BICC1: variants seen among roughly 807,000 people sequenced by gnomAD.
The protein encoded by BICC1 is protein bicaudal C homolog 1.
BICC1 carries 43 observed loss-of-function variants against 111.0 expected under a neutral mutation model. That is an observed-to-expected ratio of 0.39 (90% CI 0.30 to 0.50). BICC1 has a LOEUF of 0.50. BICC1 is among the 20% of genes least tolerant of loss of function. The probability of loss-of-function intolerance (pLI) is 0.88; values close to 1 mark genes in which losing one functional copy is unlikely to be tolerated. For synonymous variants in BICC1, 467 were observed against 434.4 expected, an observed-to-expected ratio of 1.07 and a Z score of -0.93; for missense variants, 1,091 against 1,203.2, an observed-to-expected ratio of 0.91 and a Z score of 1.38.
chr10:58,723,557 A>T (rs1022825743), intron 3 of BICC1, among the ~76,000 whole-genome samples: 3 of 152,176 alleles, frequency 2.0e-5, no homozygotes, highest in African/African-American at 4.8e-5. Context: ...TATGGCAGAA[A>T]GCCTGAGGAC....
chr10:58,631,526 A>T (rs573132107), intron 2 of BICC1, among the ~76,000 whole-genome samples: 49 of 152,244 alleles, frequency 3.2e-4, no homozygotes, highest in Middle Eastern at 3.4e-3. Flanking sequence ...ATTATCAAGA[A>T]ATGTGTACAT....
At chr10:58,754,758 G>A (rs1386728690) in intron 3 of BICC1, among the ~76,000 whole-genome samples, 5 of 119,004 alleles carry the variant, frequency 4.2e-5, no homozygotes, top group Non-Finnish European at 7.2e-5. Context: ...GGGGGGGTGT[G>A]TATGTGTGTG....
At chr10:58,669,146 C>T (rs1046011164) in intron 2 of BICC1, among the ~76,000 whole-genome samples, 16 of 151,888 alleles carry the variant, frequency 1.1e-4, no homozygotes, top group Non-Finnish European at 1.9e-4. Context: ...AATACTTGTG[C>T]TACTAAATGA....
chr10:58,773,436 A>G (rs888004602), intron 3 of BICC1, among the ~76,000 whole-genome samples: 1 of 152,220 alleles, frequency 6.6e-6, no homozygotes, highest in Non-Finnish European at 1.5e-5. Context: ...TTTACAGTAG[A>G]CAGGGTTAAG....
At chr10:58,795,407 A>G (rs973657073) in intron 9 of BICC1, among the ~76,000 whole-genome samples, 16 of 152,200 alleles carry the variant, frequency 1.1e-4, no homozygotes, top group African/African-American at 3.6e-4. Context: ...GACTAATTTG[A>G]GTTGACCAGA....
intron 1 of BICC1, among the ~76,000 whole-genome samples, chr10:58,523,756 G>A (rs929608696): frequency 1.3e-5 from 2 of 152,112 alleles, no homozygotes; most frequent in African/African-American, 4.8e-5. Flanking sequence ...AAAAGAGGAA[G>A]TCAAATTGAC....
intron 3 of BICC1, among the ~76,000 whole-genome samples, chr10:58,762,195 A>G (rs1199501958): frequency 6.6e-6 from 1 of 152,146 alleles, no homozygotes; most frequent in African/African-American, 2.4e-5. Context: ...GATCAATTTC[A>G]AGGGCAAGTA....
intron 14 of BICC1, among the ~76,000 whole-genome samples, chr10:58,802,762 T>C (rs1415278612): frequency 1.3e-5 from 2 of 152,224 alleles, no homozygotes; most frequent in African/African-American, 4.8e-5. Flanking sequence ...GTATACCATA[T>C]ATACTATATA....
intron 1 of BICC1, among the ~76,000 whole-genome samples, chr10:58,519,023 C>T (rs917717993): frequency 6.6e-6 from 1 of 152,180 alleles, no homozygotes; most frequent in Non-Finnish European, 1.5e-5. Flanking sequence ...AAACCTGACA[C>T]AGAGTGGCTT....
At chr10:58,592,220 C>A (rs779100964) in intron 1 of BICC1, among the ~76,000 whole-genome samples, 1 of 152,098 alleles carries the variant, frequency 6.6e-6, no homozygotes, top group Non-Finnish European at 1.5e-5. Context: ...CCCTGTATAG[C>A]CGAGTATTAC....
chr10:58,801,126 T>C, intron 14 of BICC1, 80 bp downstream of exon 14: 1 of 1,240,382 alleles, frequency 8.1e-7, no homozygotes. Context: ...TTAGTACTCT[T>C]TGATTCAAGT....
chr10:58,697,855 C>T (rs1840110106), intron 2 of BICC1, among the ~76,000 whole-genome samples: 1 of 151,914 alleles, frequency 6.6e-6, no homozygotes, highest in South Asian at 2.1e-4. Flanking sequence ...TAATCTAGCT[C>T]CAGTACTGAA....
Position 58,814,123 on chromosome 10 carries a change from C to A in BICC1, c.2533+137C>A, listed in dbSNP as rs756710654. 9 of 977,044 alleles carry A rather than the reference C, an allele frequency of 9.2e-6. No homozygotes were observed. In the East Asian group the frequency reaches 2.3e-4, roughly 25 times the overall value. 60.5% of individuals were successfully genotyped at this position (977,044 alleles called of 1,614,324 possible). On this transcript the variant is annotated intron_variant, in intron 18 of 20. Transcript: ENST00000373886. ...TCACATGCCATCTCCTCTGTGAAGC[C>A]TCCTTGTTTCTCCCAGTGAAGCAGG...
intron 4 of BICC1, among the ~76,000 whole-genome samples, chr10:58,786,044 TAAAAA>T (rs1477192212): frequency 6.6e-6 from 1 of 152,208 alleles, no homozygotes; most frequent in Non-Finnish European, 1.5e-5. Flanking sequence ...GAACTAAACT[TAAAAA>T]TCAAAATATA....
intron 3 of BICC1, among the ~76,000 whole-genome samples, chr10:58,778,931 T>C (rs971889322): frequency 7.9e-5 from 12 of 152,214 alleles, no homozygotes; most frequent in Admixed American, 3.3e-4. Context: ...AAAATAAATG[T>C]AAAGTGCACA....
In BICC1 at chr10:58,528,278, C is replaced by T. The variant is rs75593961; in HGVS notation, c.190+14945C>T. ...ATATGCAAGATGATCTGTCTTCACC[C>T]TCAATCTAGGCCGTATGTAGAATGT... On this transcript the variant is annotated intron_variant, in intron 1 of 20. Coordinates refer to ENST00000373886, the MANE Select transcript of BICC1 (RefSeq NM_001080512.3). Among the ~76,000 whole-genome samples the T allele has an allele frequency of 5.1e-3, 776 of 151,940 alleles. 4 individuals are homozygous for T. Among genetic ancestry groups the T allele is most frequent in the African/African-American group, 0.018 (740 of 41,498 alleles).
chr10:58,808,122 T>C (rs1260062011), intron 17 of BICC1, among the ~76,000 whole-genome samples: 1 of 151,698 alleles, frequency 6.6e-6, no homozygotes, highest in Non-Finnish European at 1.5e-5. Context: ...GAAAATACTA[T>C]TGAAATACTA....
At chr10:58,599,876 C>T (rs946340292) in intron 1 of BICC1, among the ~76,000 whole-genome samples, 1 of 151,924 alleles carries the variant, frequency 6.6e-6, no homozygotes, top group African/African-American at 2.4e-5. Flanking sequence ...AAACATCACT[C>T]CTGCTCTGAC....
chr10:58,767,675 C>A (rs1275321026), intron 3 of BICC1, among the ~76,000 whole-genome samples: 1 of 152,028 alleles, frequency 6.6e-6, no homozygotes, highest in Non-Finnish European at 1.5e-5. Flanking sequence ...CAGTATAAAT[C>A]TAAATAAAAT....
Sources: allele counts gnomAD v4.1 joint callset (sites outside exome capture counted in the v4.1 genomes callset), GRCh38; gene constraint gnomAD v4.1.1; transcripts MANE v1.5; gene names NCBI Gene and HGNC (gene_info 2026-07-23, HGNC 2026-07-21).